Variants in KDM4B observed in about 807,000 individuals in gnomAD.
KDM4B encodes the protein lysine demethylase 4B.
KDM4B carries 32 observed loss-of-function variants against 125.2 expected under a neutral mutation model. The ratio of observed to expected loss-of-function variants is 0.26; its 90% CI spans 0.19 to 0.34. KDM4B has a LOEUF of 0.34. Among genes scored for constraint, KDM4B ranks in the 10% least tolerant of loss-of-function variants. KDM4B has a pLI of 1.00. For missense variants in KDM4B, 1,190 were observed against 1,577.7 expected, an observed-to-expected ratio of 0.75 and a Z score of 4.16; for synonymous variants, 721 against 677.9, an observed-to-expected ratio of 1.06 and a Z score of -0.99.
At chr19:5,070,041 T>A (rs968570603) in intron 6 of KDM4B, among the ~76,000 whole-genome samples, 1 of 152,112 alleles carries the variant, frequency 6.6e-6, no homozygotes, top group African/African-American at 2.4e-5. Context: ...GACCATATCA[T>A]GTGTCCTCTC....
rs538164796 is a variant in KDM4B, at chr19:5,031,283, G to A, written c.-25-1583G>A. ...AGTGTGGTGGCCTGGGAGGCCCCGC[G>A]CAGTCAGAGGCTGGTCTCTGGGCAC... is the stretch of plus-strand genomic sequence containing the variant. On this transcript the variant is annotated intron_variant, in intron 2 of 22. Transcript: ENST00000159111. 3.5e-4 allele frequency among the ~76,000 whole-genome samples: 54 copies of A among 152,358 alleles called. 1 individual carries two copies. The highest frequency in any genetic ancestry group is 1.9e-3 in the South Asian group (9 of 4,832).
intron 6 of KDM4B, among the ~76,000 whole-genome samples, chr19:5,062,750 TAGA>T (rs1216701832): frequency 6.6e-6 from 1 of 150,986 alleles, no homozygotes; most frequent in East Asian, 1.9e-4. Flanking sequence ...ATTTCCTAAG[TAGA>T]AACTTATGTT....
At chr19:5,046,139 G>A (rs1205845154) in intron 5 of KDM4B, among the ~76,000 whole-genome samples, 2 of 152,232 alleles carry the variant, frequency 1.3e-5, no homozygotes, top group Non-Finnish European at 2.9e-5. Context: ...TTGGCCTGTA[G>A]TGATGACCCG....
intron 8 of KDM4B, chr19:5,079,049 C>T (rs543957867): frequency 2.0e-5 from 3 of 152,254 alleles, no homozygotes; most frequent in Admixed American, 6.5e-5. Context: ...TTCCTGGCAG[C>T]CTTCAAACAA....
intron 6 of KDM4B, among the ~76,000 whole-genome samples, chr19:5,068,166 A>G (rs1032863132): frequency 2.0e-5 from 3 of 149,244 alleles, no homozygotes; most frequent in Non-Finnish European, 4.4e-5. Context: ...AGCAGGGACT[A>G]TGAGGAGGGG....
chr19:5,143,683 G>A (rs926650220), intron 18 of KDM4B, among the ~76,000 whole-genome samples: 9 of 152,212 alleles, frequency 5.9e-5, no homozygotes, highest in Middle Eastern at 3.4e-3. Flanking sequence ...GACGGGAGAG[G>A]ACTCCCCGGG....
rs767016612 is a variant in KDM4B at position 5,151,440 on chromosome 19, C to T, written c.3220C>T (p.Arg1074Trp). The change falls in exon 23 of 23, where the codon CGG becomes TGG. Residue 1074 changes from arginine to tryptophan, a missense_variant. By Grantham distance (101) the Arg-to-Trp change is moderately radical. Transcript: ENST00000159111. ...GTPLATEDSG[R>W]SQDYVAFVES... Reference sequence around the variant, plus strand: ...CCCGCTTGCCACGGAGGACTCCGGGCGGAGCCAGGACTACGTGGCCTTCGT... The same window carrying T: ...CCCGCTTGCCACGGAGGACTCCGGGTGGAGCCAGGACTACGTGGCCTTCGT... 1.2e-5 allele frequency: 18 copies of T among 1,556,236 alleles called. No individual in the cohort carries two copies. Among genetic ancestry groups the T allele is most frequent in the South Asian group, 5.9e-5 (5 of 84,466 alleles).
chr19:5,059,095 T>C (rs1381731918), intron 6 of KDM4B, among the ~76,000 whole-genome samples: 2 of 152,076 alleles, frequency 1.3e-5, no homozygotes, highest in Non-Finnish European at 1.5e-5. Flanking sequence ...GCCCACCCAG[T>C]CTACGTAGGC....
Position 5,035,413 on chromosome 19 carries a change from G to A in KDM4B, c.141+2382G>A, listed in dbSNP as rs138466777. On this transcript the variant is annotated intron_variant, in intron 3 of 22. Transcript: ENST00000159111. The surrounding 1 kb of genome is among the most constrained non-coding windows in gnomAD (Gnocchi z 5.3). ...CGAGGTGCCTTTAAATGCCCGCCCCGTCACTTCTTCCTCATCCCTCACCTC... is the reference window on the plus strand; with the variant it reads ...CGAGGTGCCTTTAAATGCCCGCCCCATCACTTCTTCCTCATCCCTCACCTC... 7.7e-3 allele frequency among the ~76,000 whole-genome samples: 1,177 copies of A among 152,210 alleles called. 46 individuals are homozygous for A. Among genetic ancestry groups the A allele is most frequent in the Admixed American group, 0.065 (992 of 15,288 alleles).
intron 5 of KDM4B, among the ~76,000 whole-genome samples, chr19:5,044,353 C>T (rs1356648349): frequency 1.2e-5 from 1 of 84,206 alleles, no homozygotes; most frequent in East Asian, 3.9e-4. Context: ...TGGTGTTTAT[C>T]GGAGTGGGGT....
At chr19:5,063,216 G>A (rs956486917) in intron 6 of KDM4B, among the ~76,000 whole-genome samples, 2 of 152,116 alleles carry the variant, frequency 1.3e-5, no homozygotes, top group African/African-American at 4.8e-5. Flanking sequence ...CAACCTTGGA[G>A]ATAAACTCTT....
chr19:4,982,881 G>C (rs977762024), intron 1 of KDM4B, among the ~76,000 whole-genome samples: 3 of 152,178 alleles, frequency 2.0e-5, no homozygotes, highest in Admixed American at 2.0e-4. Flanking sequence ...AAAATGCTGG[G>C]ATGACAGGTG....
chr19:5,042,622 T>C (rs1434915466), intron 5 of KDM4B, among the ~76,000 whole-genome samples: 1 of 151,874 alleles, frequency 6.6e-6, no homozygotes, highest in Non-Finnish European at 1.5e-5. Context: ...CTCAGGAAAC[T>C]TAGAGTCGTG....
chr19:5,017,030 C>T (rs1447182557), intron 2 of KDM4B, among the ~76,000 whole-genome samples: 2 of 152,184 alleles, frequency 1.3e-5, no homozygotes, highest in Non-Finnish European at 2.9e-5. Flanking sequence ...GCAGTGGCAG[C>T]GGCGGCCGGC....
At chr19:4,973,862 G>T (rs911245512) in intron 1 of KDM4B, among the ~76,000 whole-genome samples, 7 of 151,636 alleles carry the variant, frequency 4.6e-5, no homozygotes, top group African/African-American at 1.7e-4. Context: ...GGGTGCGGTG[G>T]CTCATGCCTG....
At chr19:5,019,527 CGTATTGGTGTGCAG>C (rs2036016472) in intron 2 of KDM4B, among the ~76,000 whole-genome samples, 1 of 87,034 alleles carries the variant, frequency 1.1e-5, no homozygotes. Flanking sequence ...TTGGTGTGCA[CGTATTGGTGTGCAG>C]GTGTTGGTGT....
chr19:5,012,974 C>A (rs1270333240), intron 1 of KDM4B, among the ~76,000 whole-genome samples: 1 of 152,234 alleles, frequency 6.6e-6, no homozygotes, highest in Admixed American at 6.5e-5. Context: ...CTAGCCCGGC[C>A]TCTCATCTAT....
chr19:4,980,421 C>CT (rs572345837), intron 1 of KDM4B, among the ~76,000 whole-genome samples: 5,593 of 109,714 alleles, frequency 0.051, 243 homozygotes, highest in Non-Finnish European at 0.065. Flanking sequence ...CCTTTTCTTT[C>CT]TTTTTTTTTT....
At chr19:5,030,392 C>T (rs918429744) in intron 2 of KDM4B, among the ~76,000 whole-genome samples, 1 of 152,240 alleles carries the variant, frequency 6.6e-6, no homozygotes, top group Non-Finnish European at 1.5e-5. Flanking sequence ...AGGCCCCATA[C>T]TGCATAGGTC....
Sources: allele counts gnomAD v4.1 joint callset (sites outside exome capture counted in the v4.1 genomes callset), GRCh38; gene constraint gnomAD v4.1.1; non-coding constraint Gnocchi (gnomAD v3.1); transcripts MANE v1.5; gene names NCBI Gene and HGNC (gene_info 2026-07-23, HGNC 2026-07-21).